Variants in PDE1A observed in about 807,000 individuals in gnomAD.
The protein encoded by PDE1A is phosphodiesterase 1A.
In PDE1A, 35 loss-of-function variants were observed where a neutral mutation model predicts 61.7. The observed-to-expected ratio is 0.57, with a 90% CI of 0.43 to 0.75. The LOEUF is 0.75. PDE1A is among the 30% of genes least tolerant of loss of function. The probability of loss-of-function intolerance (pLI) is 0.00; values close to 1 mark genes in which losing one functional copy is unlikely to be tolerated. For synonymous variants in PDE1A, 232 were observed against 213.2 expected (o/e 1.09, Z -0.77); for missense variants, 597 against 630.6 (o/e 0.95, Z 0.57).
At chr2:182,343,225 AG>A (rs1482156066) in intron 1 of PDE1A, among the ~76,000 whole-genome samples, 2 of 152,192 alleles carry the variant, frequency 1.3e-5, no homozygotes, top group Non-Finnish European at 2.9e-5. Flanking sequence ...TCACAGTTCA[AG>A]GTTGTTTTGT....
chr2:182,165,315 A>C (rs1691598459), downstream of PDE1A, among the ~76,000 whole-genome samples: 1 of 152,116 alleles, frequency 6.6e-6, no homozygotes, highest in Non-Finnish European at 1.5e-5. Flanking sequence ...GCATGCTTCT[A>C]CTAGGAGACA....
chr2:182,361,442 G>A (rs1055246826), intron 1 of PDE1A, among the ~76,000 whole-genome samples: 4 of 152,014 alleles, frequency 2.6e-5, no homozygotes, highest in African/African-American at 9.7e-5. Flanking sequence ...CTAAACATGA[G>A]AGTTGTATTT....
intron 13 of PDE1A, chr2:182,168,326 T>C: frequency 6.5e-7 from 1 of 1,546,126 alleles, no homozygotes; most frequent in Middle Eastern, 1.7e-4. Context: ...TTTAATAATT[T>C]AGAGAAAATG....
chr2:182,711,946 A>C, the PDE1A span, among the ~76,000 whole-genome samples: 1,660 of 152,350 alleles, frequency 0.011, 27 homozygotes, highest in African/African-American at 0.038. Flanking sequence ...GACTTATTAC[A>C]AAAGGAGAAA....
At chr2:182,159,417 T>TTA (rs1470284798) in intron 13 of PDE1A, among the ~76,000 whole-genome samples, 1 of 152,124 alleles carries the variant, frequency 6.6e-6, no homozygotes, top group African/African-American at 2.4e-5. Flanking sequence ...GGGATAAACT[T>TTA]TATAGACTAT....
intron 1 of PDE1A, among the ~76,000 whole-genome samples, chr2:182,280,148 A>G (rs1223904953): frequency 6.6e-6 from 1 of 150,900 alleles, no homozygotes; most frequent in African/African-American, 2.4e-5. Context: ...GGTTTTTTTT[A>G]TTACCCAAAG....
upstream of PDE1A, among the ~76,000 whole-genome samples, chr2:182,527,114 C>G (rs573098540): frequency 8.1e-5 from 12 of 148,810 alleles, no homozygotes; most frequent in African/African-American, 3.0e-4. Context: ...AAAAAAGAAC[C>G]ATTGAAATTA....
intron 1 of PDE1A, among the ~76,000 whole-genome samples, chr2:182,369,533 C>T (rs1021473275): frequency 2.6e-5 from 4 of 151,992 alleles, no homozygotes; most frequent in African/African-American, 7.3e-5. Context: ...ACCAAGATTA[C>T]CTCTAGTGAA....
the PDE1A span, among the ~76,000 whole-genome samples, chr2:182,673,761 G>A: frequency 6.6e-6 from 1 of 151,326 alleles, no homozygotes. Context: ...TAAGATATAT[G>A]CTCTGATATA....
At chr2:182,221,138 C>T (rs1298119125) in intron 7 of PDE1A, among the ~76,000 whole-genome samples, 1 of 151,976 alleles carries the variant, frequency 6.6e-6, no homozygotes, top group Non-Finnish European at 1.5e-5. Context: ...CCTCCTCCCT[C>T]TCCACAGCCA....
chr2:182,286,736 A>G (rs1694190883), intron 1 of PDE1A, among the ~76,000 whole-genome samples: 1 of 152,138 alleles, frequency 6.6e-6, no homozygotes, highest in Non-Finnish European at 1.5e-5. Context: ...CTCATATTAC[A>G]TTGAGGATAA....
chr2:182,704,085 C>A, the PDE1A span, among the ~76,000 whole-genome samples: 1 of 151,556 alleles, frequency 6.6e-6, no homozygotes, highest in Non-Finnish European at 1.5e-5. Flanking sequence ...GTGGCAGGCA[C>A]CTGTAGTCCC....
chr2:182,701,327 G>A, the PDE1A span, among the ~76,000 whole-genome samples: 8 of 151,218 alleles, frequency 5.3e-5, no homozygotes, highest in Middle Eastern at 3.5e-3. Context: ...GAGCCACCGC[G>A]CCCGGCTGAC....
chr2:182,150,104 G>T (rs932947192), intron 13 of PDE1A, among the ~76,000 whole-genome samples: 1 of 152,074 alleles, frequency 6.6e-6, no homozygotes, highest in Non-Finnish European at 1.5e-5. Context: ...AAATATAAGT[G>T]TATAATAGGT....
chr2:182,484,033 A>G (rs149425438), intron 2 of PDE1A, among the ~76,000 whole-genome samples: 4 of 152,068 alleles, frequency 2.6e-5, no homozygotes, highest in Non-Finnish European at 5.9e-5. Context: ...ATTCATTAAA[A>G]GATCTAAATC....
At chr2:182,298,079 A>C (rs943467627) in intron 1 of PDE1A, among the ~76,000 whole-genome samples, 1 of 152,210 alleles carries the variant, frequency 6.6e-6, no homozygotes, top group Non-Finnish European at 1.5e-5. Context: ...CAAGAATTCC[A>C]TTTCTGGCTG....
chr2:182,153,077 T>C (rs1423385122), intron 13 of PDE1A, among the ~76,000 whole-genome samples: 1 of 152,192 alleles, frequency 6.6e-6, no homozygotes, highest in Non-Finnish European at 1.5e-5. Flanking sequence ...GGCATCTAGA[T>C]ATGTAGAGAG....
intron 1 of PDE1A, among the ~76,000 whole-genome samples, chr2:182,281,721 T>A (rs528698909): frequency 2.0e-5 from 3 of 152,126 alleles, no homozygotes; most frequent in South Asian, 2.1e-4. Flanking sequence ...ATTATTTTTT[T>A]AATTTTCCCC....
the PDE1A span, among the ~76,000 whole-genome samples, chr2:182,626,669 T>C: frequency 3.3e-5 from 4 of 122,530 alleles, no homozygotes; most frequent in Admixed American, 2.1e-4. Context: ...TGTTTCCTAA[T>C]ATGTAATTGC....
Sources: allele counts gnomAD v4.1 joint callset (sites outside exome capture counted in the v4.1 genomes callset), GRCh38; gene constraint gnomAD v4.1.1; transcripts MANE v1.5; gene names NCBI Gene and HGNC (gene_info 2026-07-23, HGNC 2026-07-21).